Variants in NCOA7 observed in about 807,000 individuals in gnomAD.
NCOA7 encodes the protein 140 kDa estrogen receptor-associated protein.
A neutral mutation model predicts 104.3 loss-of-function variants in NCOA7; 45 were observed. The observed-to-expected ratio is 0.43, with a 90% CI of 0.34 to 0.55. The LOEUF is 0.55. Among genes scored for constraint, NCOA7 ranks in the 20% least tolerant of loss-of-function variants. NCOA7 has a pLI of 0.02. For missense variants in NCOA7, 1,041 were observed against 1,119.7 expected, an observed-to-expected ratio of 0.93 and a Z score of 1.00; for synonymous variants, 398 against 402.3, an observed-to-expected ratio of 0.99 and a Z score of 0.13.
At chr6:125,848,300 G>A (rs899091855) in intron 2 of NCOA7, among the ~76,000 whole-genome samples, 15 of 152,132 alleles carry the variant, frequency 9.9e-5, no homozygotes, top group African/African-American at 3.6e-4. Context: ...CCATTACTGG[G>A]TATATACCCC....
chr6:125,884,257 T>C (rs1784084320), intron 7 of NCOA7, among the ~76,000 whole-genome samples: 1 of 152,254 alleles, frequency 6.6e-6, no homozygotes, highest in African/African-American at 2.4e-5. Flanking sequence ...TATTGATAGA[T>C]GCTTAAGTTG....
At chr6:125,881,459 C>T (rs922936571) in intron 6 of NCOA7, among the ~76,000 whole-genome samples, 1 of 151,988 alleles carries the variant, frequency 6.6e-6, no homozygotes, top group African/African-American at 2.4e-5. Flanking sequence ...TGCCTGAGCC[C>T]AGGAGTTTGA....
chr6:125,906,527 T>C (rs1397075840), intron 10 of NCOA7, among the ~76,000 whole-genome samples: 1 of 151,990 alleles, frequency 6.6e-6, no homozygotes, highest in Non-Finnish European at 1.5e-5. Context: ...CTGGAAAGAT[T>C]ATTGTGTTTG....
intron 2 of NCOA7, among the ~76,000 whole-genome samples, chr6:125,846,467 C>T (rs1228752747): frequency 6.6e-6 from 1 of 151,790 alleles, no homozygotes; most frequent in African/African-American, 2.4e-5. Flanking sequence ...TCATGTTAGC[C>T]TCTTGCTTTT....
intron 11 of NCOA7, among the ~76,000 whole-genome samples, chr6:125,918,738 A>C (rs1018791743): frequency 2.0e-5 from 3 of 152,220 alleles, no homozygotes; most frequent in African/African-American, 4.8e-5. Flanking sequence ...TCACAACCTC[A>C]TGTAAACCAG....
intron 1 of NCOA7, among the ~76,000 whole-genome samples, chr6:125,792,528 AT>A (rs1288445001): frequency 6.6e-6 from 1 of 152,232 alleles, no homozygotes; most frequent in Non-Finnish European, 1.5e-5. Flanking sequence ...GTATTCACTT[AT>A]TTTAGAGTTG....
chr6:125,819,518 A>C (rs1446668964), intron 2 of NCOA7, among the ~76,000 whole-genome samples: 4 of 152,166 alleles, frequency 2.6e-5, no homozygotes, highest in Non-Finnish European at 1.5e-5. Flanking sequence ...AGATTGAATG[A>C]TTTGTGAAAC....
chr6:125,893,388 G>A (rs577547224), intron 10 of NCOA7, among the ~76,000 whole-genome samples: 6 of 152,136 alleles, frequency 3.9e-5, no homozygotes, highest in Non-Finnish European at 8.8e-5. Context: ...ATTAAATTTC[G>A]ATGGTGAACT....
At chr6:125,877,404 G>A (rs1783472824) in intron 4 of NCOA7, among the ~76,000 whole-genome samples, 1 of 152,132 alleles carries the variant, frequency 6.6e-6, no homozygotes, top group Admixed American at 6.5e-5. Context: ...TTGACCCAGG[G>A]CTATCAATTG....
intron 1 of NCOA7, among the ~76,000 whole-genome samples, chr6:125,812,463 A>G (rs965181227): frequency 6.6e-6 from 1 of 152,182 alleles, no homozygotes; most frequent in Admixed American, 6.5e-5. Flanking sequence ...CAAGTCAGGG[A>G]TGTGAAGATA....
At chr6:125,782,737 A>G (rs1196238435) in intron 1 of NCOA7, among the ~76,000 whole-genome samples, 1 of 152,236 alleles carries the variant, frequency 6.6e-6, no homozygotes, top group Non-Finnish European at 1.5e-5. Context: ...ATTCCAGTGT[A>G]TCACATTACC....
intron 8 of NCOA7, 71 bp downstream of exon 8, chr6:125,885,414 C>A: frequency 1.4e-6 from 2 of 1,476,648 alleles, no homozygotes; most frequent in Non-Finnish European, 1.9e-6. Context: ...AAAATGAGGG[C>A]ATTTGCATGA....
At chr6:125,841,225 A>G (rs1171169976) in intron 2 of NCOA7, among the ~76,000 whole-genome samples, 6 of 151,950 alleles carry the variant, frequency 3.9e-5, no homozygotes, top group African/African-American at 1.5e-4. Flanking sequence ...TAGATACACA[A>G]ATACTTACTG....
intron 10 of NCOA7, among the ~76,000 whole-genome samples, chr6:125,909,350 G>C (rs553424760): frequency 4.6e-5 from 7 of 152,298 alleles, no homozygotes; most frequent in African/African-American, 1.7e-4. Context: ...CAGAAGGGAG[G>C]CTTCATGAAG....
chr6:125,798,844 G>T (rs573325625), intron 1 of NCOA7, among the ~76,000 whole-genome samples: 3 of 151,618 alleles, frequency 2.0e-5, no homozygotes, highest in Non-Finnish European at 2.9e-5. Flanking sequence ...TTATATTTTT[G>T]ACTTTTTTAA....
chr6:125,872,317 G>A (rs560255420), intron 3 of NCOA7, among the ~76,000 whole-genome samples: 12 of 152,304 alleles, frequency 7.9e-5, no homozygotes, highest in Admixed American at 7.2e-4. Context: ...TTTTAGTAGC[G>A]CTCCCCATTG....
chr6:125,866,052 G>A lies in NCOA7; in HGVS notation c.272-8837G>A, dbSNP rs1045369628. On this transcript the variant is annotated intron_variant, in intron 3 of 15. Transcript: ENST00000392477. Reference sequence around the variant, plus strand: ...CTTCAAAGACATATAACTTTAGGCCGGGCACAGTGTCTCACACCTGTAATC... The same window carrying A: ...CTTCAAAGACATATAACTTTAGGCCAGGCACAGTGTCTCACACCTGTAATC... 2.0e-4 allele frequency among the ~76,000 whole-genome samples: 27 copies of A among 136,656 alleles called. 5 individuals carry two copies. Among genetic ancestry groups the A allele is most frequent in the Admixed American group, 6.2e-4 (9 of 14,442 alleles). The allele number at this position is 136,656 out of a possible 152,430, so 89.7% of individuals were successfully genotyped here.
chr6:125,919,576 G>C, intron 11 of NCOA7: 1 of 761,008 alleles, frequency 1.3e-6, no homozygotes, highest in East Asian at 2.7e-5. Context: ...TGCGGAGAGG[G>C]TTATGGTGTG....
intron 5 of NCOA7, among the ~76,000 whole-genome samples, chr6:125,879,035 A>G (rs1783609600): frequency 6.6e-6 from 1 of 152,200 alleles, no homozygotes; most frequent in South Asian, 2.1e-4. Context: ...TTAAGAGTTC[A>G]GATGCAAAAA....
Sources: allele counts gnomAD v4.1 joint callset (sites outside exome capture counted in the v4.1 genomes callset), GRCh38; gene constraint gnomAD v4.1.1; transcripts MANE v1.5; gene names NCBI Gene and HGNC (gene_info 2026-07-23, HGNC 2026-07-21).